TRPC6: variants seen among roughly 807,000 people sequenced by gnomAD.
TRPC6 encodes the protein short transient receptor potential channel 6.
A neutral mutation model predicts 90.7 loss-of-function variants in TRPC6; 55 were observed. That is an observed-to-expected ratio of 0.61 (90% CI 0.49 to 0.76). TRPC6 has a LOEUF of 0.76. Among genes scored for constraint, TRPC6 ranks in the 30% least tolerant of loss-of-function variants. The pLI, the probability that TRPC6 is intolerant of heterozygous loss-of-function variation, is 0.00. For missense variants in TRPC6, 989 were observed against 1,122.7 expected, an observed-to-expected ratio of 0.88 and a Z score of 1.70; for synonymous variants, 393 against 393.0, an observed-to-expected ratio of 1.00 and a Z score of 0.00.
At position 101,453,622 on chromosome 11, in the gene TRPC6, GGCTGATTT is replaced by G. The variant is rs1477617322; in HGVS notation, c.2644+20_2644+27del. The G allele has an allele frequency of 4.3e-6, 7 of 1,609,394 alleles. No homozygotes were observed. Among genetic ancestry groups the G allele is most frequent in the Non-Finnish European group, 6.0e-6 (7 of 1,175,940 alleles). ...GCCCCCGTCCTGACTCACATTCAGG[GGCTGATTT>G]GCTTCTGCGTTCAACTCACCTTCGT... On this transcript the variant is annotated intron_variant, in intron 12 of 12. Coordinates refer to ENST00000344327, the MANE Select transcript of TRPC6 (RefSeq NM_004621.6).
At chr11:101,582,985 C>T (rs934913870) in intron 1 of TRPC6, among the ~76,000 whole-genome samples, 1 of 152,166 alleles carries the variant, frequency 6.6e-6, no homozygotes, top group African/African-American at 2.4e-5. Context: ...CCGCCTGTTA[C>T]GTAGCGATCC....
intron 2 of TRPC6, among the ~76,000 whole-genome samples, chr11:101,502,432 G>A (rs553899007): frequency 2.6e-5 from 4 of 152,242 alleles, no homozygotes; most frequent in Non-Finnish European, 4.4e-5. Flanking sequence ...CAGTAAAAAA[G>A]AGCAGGGACT....
intron 4 of TRPC6, among the ~76,000 whole-genome samples, chr11:101,485,929 C>T (rs1280506737): frequency 6.6e-6 from 1 of 152,056 alleles, no homozygotes; most frequent in Non-Finnish European, 1.5e-5. Flanking sequence ...GTGTGCCTGG[C>T]CCCTACCTGG....
intron 7 of TRPC6, among the ~76,000 whole-genome samples, chr11:101,473,115 T>C (rs1293295547): frequency 6.6e-6 from 1 of 152,098 alleles, no homozygotes; most frequent in Non-Finnish European, 1.5e-5. Context: ...GTGAGTCCCC[T>C]GTAAGCAGGA....
At chr11:101,549,806 T>G (rs1861411672) in intron 1 of TRPC6, among the ~76,000 whole-genome samples, 2 of 151,170 alleles carry the variant, frequency 1.3e-5, no homozygotes, top group African/African-American at 4.8e-5. Flanking sequence ...ATAGGTAAAT[T>G]TCATGTAAAT....
intron 1 of TRPC6, among the ~76,000 whole-genome samples, chr11:101,527,900 T>C (rs544349809): frequency 1.4e-4 from 22 of 152,100 alleles, no homozygotes; most frequent in Non-Finnish European, 2.4e-4. Context: ...GGTGTAACCC[T>C]GTCTCTACTA....
At chr11:101,538,875 C>T (rs1861112104) in intron 1 of TRPC6, among the ~76,000 whole-genome samples, 1 of 152,166 alleles carries the variant, frequency 6.6e-6, no homozygotes, top group African/African-American at 2.4e-5. Context: ...CTCAGTCCTT[C>T]AACTACATGC....
At chr11:101,519,254 G>T (rs941677109) in intron 1 of TRPC6, among the ~76,000 whole-genome samples, 1 of 152,076 alleles carries the variant, frequency 6.6e-6, no homozygotes, top group African/African-American at 2.4e-5. Flanking sequence ...CATTTTCCAT[G>T]ATGTGCTTAT....
In TRPC6 at chr11:101,556,701, T is replaced by C. The variant is rs77929405; in HGVS notation, c.170+26633A>G. ...CAGGAGGGAATACTTCCAAACTCTT[T>C]TTAAGAAGCCAGCCCTACCCTGATA... On this transcript the variant is annotated intron_variant, in intron 1 of 12. Transcript: ENST00000344327. Among the ~76,000 whole-genome samples the C allele has an allele frequency of 1.9e-3, 282 of 152,298 alleles. 1 individual carries two copies. The highest frequency in any genetic ancestry group is 6.5e-3 in the African/African-American group (272 of 41,564).
At chr11:101,459,431 A>T (rs1455170432) in intron 10 of TRPC6, among the ~76,000 whole-genome samples, 1 of 152,200 alleles carries the variant, frequency 6.6e-6, no homozygotes, top group Non-Finnish European at 1.5e-5. Context: ...CAGTGGAATC[A>T]ACATTTTATT....
Position 101,532,596 on chromosome 11 carries a change from C to T in TRPC6, c.171-27798G>A, listed in dbSNP as rs191716613. 1.2e-3 allele frequency among the ~76,000 whole-genome samples: 182 copies of T among 152,196 alleles called. 1 individual carries two copies. The highest frequency in any genetic ancestry group is 2.0e-3 in the Non-Finnish European group (136 of 68,016). ...AGAGGTGGAAGTAACTGGGAGCGGACAATGTAGTGAATTTAAGCAACTCCT... is the reference window on the plus strand; with the variant it reads ...AGAGGTGGAAGTAACTGGGAGCGGATAATGTAGTGAATTTAAGCAACTCCT... On this transcript the variant is annotated intron_variant, in intron 1 of 12. Coordinates refer to ENST00000344327, the MANE Select transcript of TRPC6 (RefSeq NM_004621.6).
At position 101,504,541 on chromosome 11, in the gene TRPC6, T is replaced by A; in HGVS notation, c.428A>T (p.Asn143Ile). ...GQNALQLAVANEHLEITELLL... is the reference protein window; with the variant it reads ...GQNALQLAVAIEHLEITELLL... ...AAGTTCTGTAATTTCCAGATGCTCA[T>A]TGGCCACTGCCAACTGTAGGGCATT... The change falls in exon 2 of 13, where the codon AAT (asparagine) becomes ATT (isoleucine). Residue 143 changes from asparagine to isoleucine, a missense_variant. This residue lies in a region of TRPC6 where 486 missense variants were observed against 591.9 expected (regional missense o/e 0.82). Transcript: ENST00000344327. 6.2e-7 allele frequency: 1 copy of A among 1,614,144 alleles called. No homozygotes were observed. Among genetic ancestry groups the A allele is most frequent in the Non-Finnish European group, 8.5e-7 (1 of 1,180,014 alleles).
At position 101,473,260 on chromosome 11, in the gene TRPC6, A is replaced by G. The variant is rs556004242; in HGVS notation, c.2009+249T>C. Among the ~76,000 whole-genome samples the G allele has an allele frequency of 1.2e-3, 178 of 152,228 alleles. 2 individuals are homozygous for G. The highest frequency in any genetic ancestry group is 4.2e-3 in the African/African-American group (176 of 41,546). On this transcript the variant is annotated intron_variant, in intron 7 of 12. Transcript: ENST00000344327. ...AATTTCAGTTGCCTCTTGGTGAAAT[A>G]GAGATAATAAAGGGAGGCATGCAAG...
At chr11:101,457,896 G>A (rs1036004819) in intron 10 of TRPC6, among the ~76,000 whole-genome samples, 11 of 152,108 alleles carry the variant, frequency 7.2e-5, no homozygotes, top group African/African-American at 2.7e-4. Context: ...CTACTATGTG[G>A]CTTTAGGTCT....
At chr11:101,468,941 T>C (rs1425541621) in intron 10 of TRPC6, among the ~76,000 whole-genome samples, 1 of 152,234 alleles carries the variant, frequency 6.6e-6, no homozygotes, top group Admixed American at 6.5e-5. Flanking sequence ...AGGATTTTGC[T>C]ACTCTCAGTG....
rs886047540 is a variant in TRPC6 at position 101,583,820 on chromosome 11, G to C, written c.-317C>G. 3.1e-6 allele frequency: 1 copy of C among 318,498 alleles called. No individual in the cohort carries two copies. The highest frequency in any genetic ancestry group is 1.4e-4 in the South Asian group (1 of 7,378). The allele number at this position is 318,498 out of a possible 1,614,324, so 19.7% of individuals were successfully genotyped here. On this transcript the variant is annotated 5_prime_UTR_variant, in exon 1 of 13. Transcript: ENST00000344327. Reference sequence around the variant, plus strand: ...AGGCGGGGCCGCTGGTGGTAGCGAAGCGTAAGAGCGGAGAGCAAGGGAGAC... The same window carrying C: ...AGGCGGGGCCGCTGGTGGTAGCGAACCGTAAGAGCGGAGAGCAAGGGAGAC...
In TRPC6 at chr11:101,496,699, G is replaced by A. The variant is rs772132390; in HGVS notation, c.946-4961C>T. On this transcript the variant is annotated intron_variant, in intron 2 of 12. Coordinates refer to ENST00000344327, the MANE Select transcript of TRPC6 (RefSeq NM_004621.6). ...AATTTTCAGGTCCCATTGAAGCTAC[G>A]AAGCTTGGAGAGCGGCGATGAAGGT... 2.6e-5 allele frequency among the ~76,000 whole-genome samples: 4 copies of A among 152,094 alleles called. No homozygotes were observed. The East Asian group carries it at 5.8e-4, about 22-fold the overall frequency.
chr11:101,581,979 G>A (rs1310524659), intron 1 of TRPC6, among the ~76,000 whole-genome samples: 2 of 152,160 alleles, frequency 1.3e-5, no homozygotes, highest in Non-Finnish European at 2.9e-5. Context: ...TTTCTTTGAG[G>A]GATGATGAAA....
rs1166182552 is a variant in TRPC6, at chr11:101,546,050, CTTTTTTTTTTTTTTTTTTT to C, written c.170+37265_170+37283del. On this transcript the variant is annotated intron_variant, in intron 1 of 12. Coordinates refer to ENST00000344327, the MANE Select transcript of TRPC6 (RefSeq NM_004621.6). The stretch of plus-strand genomic sequence containing the variant: ...TGGATCTAGTATCACATTTATAACT[CTTTTTTTTTTTTTTTTTTT>C]TTTTTTTTTTTTTGAGACGGAGTCT... 1.3e-4 allele frequency among the ~76,000 whole-genome samples: 4 copies of C among 29,694 alleles called. 1 individual carries two copies. Among genetic ancestry groups the C allele is most frequent in the Non-Finnish European group, 2.5e-4 (4 of 16,048 alleles). 19.5% of individuals were successfully genotyped at this position (29,694 alleles called of 152,430 possible).
Sources: allele counts gnomAD v4.1 joint callset (sites outside exome capture counted in the v4.1 genomes callset), GRCh38; gene constraint gnomAD v4.1.1; regional missense constraint gnomAD v4.1.1; transcripts MANE v1.5; gene names NCBI Gene and HGNC (gene_info 2026-07-23, HGNC 2026-07-21).